Variants in TMEM114 observed in about 807,000 individuals in gnomAD.
TMEM114 encodes transmembrane protein 114.
A neutral mutation model predicts 6.2 loss-of-function variants in TMEM114; 6 were observed. The observed-to-expected ratio is 0.97, with a 90% CI of 0.53 to 1.91. TMEM114 has a LOEUF of 1.91. Ranked by LOEUF, TMEM114 falls within the 40% of genes most tolerant of loss-of-function variation. The probability of loss-of-function intolerance (pLI) is 0.01; values close to 1 mark genes in which losing one functional copy is unlikely to be tolerated. For missense variants in TMEM114, 218 were observed against 158.3 expected, an observed-to-expected ratio of 1.38 and a Z score of -2.02; for synonymous variants, 104 against 73.0, an observed-to-expected ratio of 1.42 and a Z score of -2.16.
chr16:8,566,986 C>G (rs12709234), downstream of TMEM114, among the ~76,000 whole-genome samples: 79,996 of 147,364 alleles, frequency 0.54, 21,854 homozygotes, highest in East Asian at 0.68. Flanking sequence ...CTGTAACCTC[C>G]ACCTCCTGGG....
chr16:8,548,527 C>T lies in TMEM114; in HGVS notation n.213-10701G>A, dbSNP rs150420740. ...CACCCTTGAAATAATAGAACAGGTG[C>T]ACTGTGTATCTGTTTCTGTACTGTG... On this transcript the variant is annotated intron_variant and non_coding_transcript_variant, in intron 2 of 2. Coordinates refer to the TMEM114 transcript ENST00000623677. Among the ~76,000 whole-genome samples the T allele has an allele frequency of 1.2e-4, 19 of 152,208 alleles. No individual in the cohort carries two copies. The East Asian group carries it at 3.1e-3, about 25-fold the overall frequency.
At chr16:8,543,329 A>C (rs1900570153) in intron 2 of TMEM114, among the ~76,000 whole-genome samples, 1 of 152,138 alleles carries the variant, frequency 6.6e-6, no homozygotes, top group African/African-American at 2.4e-5. Flanking sequence ...GAACCCAAAG[A>C]CCAAGGTCCT....
At chr16:8,546,718 C>G (rs750853775) in intron 2 of TMEM114, among the ~76,000 whole-genome samples, 14 of 152,182 alleles carry the variant, frequency 9.2e-5, no homozygotes, top group Non-Finnish European at 1.8e-4. Flanking sequence ...CAGCAGATGA[C>G]CACTTGTAAT....
At chr16:8,581,886 G>C (rs373954515) in intron 2 of TMEM114, among the ~76,000 whole-genome samples, 1 of 152,184 alleles carries the variant, frequency 6.6e-6, no homozygotes, top group Admixed American at 6.5e-5. Flanking sequence ...ACAGGCACCT[G>C]CTCCTTCCCT....
At chr16:8,548,610 G>C (rs76735391) in intron 2 of TMEM114, among the ~76,000 whole-genome samples, 10,992 of 150,568 alleles carry the variant, frequency 0.073, 508 homozygotes, top group Middle Eastern at 0.16. Flanking sequence ...CCCCCTAAGA[G>C]CAAATTATCT....
At chr16:8,554,605 G>A (rs1900948982) in intron 2 of TMEM114, among the ~76,000 whole-genome samples, 1 of 152,094 alleles carries the variant, frequency 6.6e-6, no homozygotes, top group South Asian at 2.1e-4. Flanking sequence ...AGTGTCTGCT[G>A]GTGCATACTA....
intron 2 of TMEM114, among the ~76,000 whole-genome samples, chr16:8,583,878 T>C (rs1475709252): frequency 1.3e-5 from 2 of 151,924 alleles, no homozygotes; most frequent in Non-Finnish European, 2.9e-5. Context: ...ATGTGACCAA[T>C]CCTCCCCACC....
At chr16:8,581,745 C>A (rs140488579) in intron 2 of TMEM114, among the ~76,000 whole-genome samples, 3 of 152,268 alleles carry the variant, frequency 2.0e-5, no homozygotes, top group Non-Finnish European at 4.4e-5. Context: ...TGCGCCACTG[C>A]GCCCAGCCAG....
chr16:8,528,220 G>T, the TMEM114 span, among the ~76,000 whole-genome samples: 4 of 149,632 alleles, frequency 2.7e-5, no homozygotes, highest in East Asian at 7.9e-4. Flanking sequence ...GATAGTTTCT[G>T]ATATGAATTT....
chr16:8,542,693 G>T (rs1446647106), intron 2 of TMEM114, among the ~76,000 whole-genome samples: 2 of 152,124 alleles, frequency 1.3e-5, no homozygotes, highest in African/African-American at 4.8e-5. Flanking sequence ...CTATTCAGAA[G>T]CACTACACTA....
chr16:8,590,316 G>T lies in TMEM114; in HGVS notation c.-478C>A. 6.4e-6 allele frequency: 1 copy of T among 155,364 alleles called. No homozygotes were observed. The allele number at this position is 155,364 out of a possible 1,614,324, so 9.6% of individuals were successfully genotyped here. A position where few individuals can be genotyped will look rare whatever the true frequency, so the allele number is the denominator to read the frequency against. The stretch of plus-strand genomic sequence containing the variant: ...TCCATTCCCCTGCCTCACTCTCCAC[G>T]AACCCTCCCCACGATCCCAGATGCT... On this transcript the variant is annotated 5_prime_UTR_variant, in exon 1 of 4. Transcript: ENST00000620492.
At chr16:8,542,420 AT>A (rs1389863215) in intron 2 of TMEM114, among the ~76,000 whole-genome samples, 1 of 152,188 alleles carries the variant, frequency 6.6e-6, no homozygotes, top group Non-Finnish European at 1.5e-5. Flanking sequence ...ATCCCAGGTC[AT>A]TTTAAATTCC....
chr16:8,556,144 C>G (rs932439691), intron 2 of TMEM114, among the ~76,000 whole-genome samples: 1 of 152,240 alleles, frequency 6.6e-6, no homozygotes, highest in Non-Finnish European at 1.5e-5. Flanking sequence ...TCCATCAATT[C>G]TACCTCGTAA....
the TMEM114 span, among the ~76,000 whole-genome samples, chr16:8,532,383 CTCTT>C: frequency 2.6e-4 from 40 of 152,142 alleles, no homozygotes; most frequent in African/African-American, 9.2e-4. Flanking sequence ...TCTCTAAAAA[CTCTT>C]TCAACACTAA....
At chr16:8,559,710 A>G (rs1437811868) in intron 2 of TMEM114, among the ~76,000 whole-genome samples, 2 of 152,012 alleles carry the variant, frequency 1.3e-5, no homozygotes, top group African/African-American at 4.8e-5. Context: ...CAGAATCCCC[A>G]TGCCACCCTC....
intron 2 of TMEM114, 137 bp from the exon 3 acceptor site, chr16:8,572,361 T>G: frequency 1.1e-6 from 1 of 887,898 alleles, no homozygotes; most frequent in Non-Finnish European, 1.8e-6. Flanking sequence ...TTACTTCTAC[T>G]GTTTCTGATG....
At chr16:8,571,889 C>T (rs895899035) in intron 3 of TMEM114, among the ~76,000 whole-genome samples, 198 bp downstream of exon 3, 4 of 152,200 alleles carry the variant, frequency 2.6e-5, no homozygotes, top group Admixed American at 6.5e-5. Context: ...GCTCCCTCTG[C>T]ACTGCTCCTG....
At chr16:8,585,031 T>A (rs539723752) in intron 2 of TMEM114, among the ~76,000 whole-genome samples, 2 of 151,714 alleles carry the variant, frequency 1.3e-5, no homozygotes, top group Non-Finnish European at 2.9e-5. Flanking sequence ...GGACTCACAG[T>A]TCCACATGGC....
chr16:8,541,261 A>G (rs548486159), intron 2 of TMEM114, among the ~76,000 whole-genome samples: 247 of 152,314 alleles, frequency 1.6e-3, no homozygotes, highest in South Asian at 3.3e-3. Context: ...GACGTGAACC[A>G]CTTATGTCTT....
Sources: allele counts gnomAD v4.1 joint callset (sites outside exome capture counted in the v4.1 genomes callset), GRCh38; gene constraint gnomAD v4.1.1; transcripts MANE v1.5; gene names NCBI Gene and HGNC (gene_info 2026-07-23, HGNC 2026-07-21).